The following FLT3LG variants were observed in gnomAD, a reference collection of about 807,000 sequenced individuals.
FLT3LG encodes fms related receptor tyrosine kinase 3 ligand.
A neutral mutation model predicts 30.9 loss-of-function variants in FLT3LG; 8 were observed. The observed-to-expected ratio is 0.26, with a 90% CI of 0.15 to 0.47. The LOEUF (loss-of-function observed/expected upper bound fraction) is 0.47. Among genes scored for constraint, FLT3LG ranks in the 20% least tolerant of loss-of-function variants. The pLI is 0.99. For synonymous variants in FLT3LG, 123 were observed against 135.9 expected (o/e 0.91, Z 0.66); for missense variants, 278 against 306.2 (o/e 0.91, Z 0.69).
In FLT3LG at chr19:49,475,745, T is replaced by C; in HGVS notation, c.88T>C (p.Cys30Arg). 1 of 1,612,248 alleles carries C rather than the reference T, an allele frequency of 6.2e-7. No individual in the cohort carries two copies. Residue 30 changes from cysteine (C) to arginine (R), a missense_variant, in exon 3 of 9, where the codon TGC becomes CGC. Coordinates refer to ENST00000597551, the MANE Select transcript of FLT3LG (RefSeq NM_001459.4). Reference protein sequence around the residue: ...LSSGLSGTQDCSFQHSPISSD... With the variant: ...LSSGLSGTQDRSFQHSPISSD... ...CTCGGGACTCAGTGGGACCCAGGAC[T>C]GCTCCTTCCAACACAGCCCCATCTC...
At chr19:49,484,298 T>A (rs2122582734) in intron 8 of FLT3LG, among the ~76,000 whole-genome samples, 1 of 146,018 alleles carries the variant, frequency 6.8e-6, no homozygotes, top group South Asian at 2.1e-4. Context: ...ATTTTTTTTT[T>A]TTTTTTTTTT....
chr19:49,483,106 C>T (rs113638934), intron 8 of FLT3LG, among the ~76,000 whole-genome samples: 3 of 152,036 alleles, frequency 2.0e-5, no homozygotes, highest in African/African-American at 7.2e-5. Context: ...CCTTCAGCAT[C>T]CAACGTATAG....
chr19:49,483,187 G>A (rs574966288), intron 8 of FLT3LG, among the ~76,000 whole-genome samples: 101 of 151,614 alleles, frequency 6.7e-4, no homozygotes, highest in Non-Finnish European at 1.3e-3. Flanking sequence ...GTGCAGTGGC[G>A]CGATCTCAGC....
chr19:49,485,248 CTTTT>C (rs55877586), intron 8 of FLT3LG, among the ~76,000 whole-genome samples: 4 of 121,842 alleles, frequency 3.3e-5, no homozygotes, highest in Non-Finnish European at 6.5e-5. Context: ...TCTTTTTTTT[CTTTT>C]TTTTTTTTTT....
chr19:49,480,646 C>T (rs1264938439), intron 8 of FLT3LG, 26 bp downstream of exon 8: 1 of 1,586,000 alleles, frequency 6.3e-7, no homozygotes, highest in Non-Finnish European at 8.6e-7. Flanking sequence ...GCTATGGGGC[C>T]TGGACTTTGT....
chr19:49,474,413 C>T, intron 1 of FLT3LG, 132 bp downstream of exon 1: 2 of 602,020 alleles, frequency 3.3e-6, no homozygotes, highest in Non-Finnish European at 3.0e-6. Context: ...GGGGACCAGA[C>T]GTCGAGGTTC....
At chr19:49,477,460 C>T (rs1049782073) in intron 5 of FLT3LG, among the ~76,000 whole-genome samples, 4 of 150,310 alleles carry the variant, frequency 2.7e-5, no homozygotes, top group Non-Finnish European at 4.4e-5. Flanking sequence ...TAGAATAGGC[C>T]GTGTATGGTG....
intron 8 of FLT3LG, chr19:49,480,963 C>T (rs1484111367): frequency 6.7e-5 from 12 of 178,224 alleles, no homozygotes; most frequent in Middle Eastern, 2.4e-3. Context: ...ACCCAGGAGG[C>T]GGAGGTTGCA....
At chr19:49,474,859 A>T (rs1308919407) in intron 2 of FLT3LG, among the ~76,000 whole-genome samples, 187 bp downstream of exon 2, 3 of 107,964 alleles carry the variant, frequency 2.8e-5, no homozygotes, top group South Asian at 3.8e-4. Flanking sequence ...TGGACAGAGG[A>T]TGGGGAGATG....
At position 49,476,868 on chromosome 19, in the gene FLT3LG, C is replaced by A. The variant is rs990629626; in HGVS notation, c.342+302C>A. The stretch of plus-strand genomic sequence containing the variant: ...GAAGGGGTCTCTAAACTGAGGAGGC[C>A]GGGCGTGGTGGCTCACTCCTGTAAT... On this transcript the variant is annotated intron_variant, in intron 5 of 8. Coordinates refer to ENST00000597551, the MANE Select transcript of FLT3LG (RefSeq NM_001459.4). The surrounding 1 kb of genome is among the most constrained non-coding windows in gnomAD (Gnocchi z 5.3). 13 of 351,796 alleles carry A rather than the reference C, an allele frequency of 3.7e-5. No individual in the cohort carries two copies. The highest frequency in any genetic ancestry group is 4.6e-5 in the Admixed American group (1 of 21,868). 21.8% of individuals were successfully genotyped at this position (351,796 alleles called of 1,614,324 possible). A position where few individuals can be genotyped will look rare whatever the true frequency, so the allele number is the denominator to read the frequency against.
intron 8 of FLT3LG, among the ~76,000 whole-genome samples, chr19:49,484,721 T>C (rs1375436519): frequency 6.6e-6 from 1 of 151,992 alleles, no homozygotes; most frequent in Admixed American, 6.6e-5. Context: ...GATCTCGAAC[T>C]CCTGACCTCG....
intron 8 of FLT3LG, among the ~76,000 whole-genome samples, chr19:49,482,952 A>C (rs985593144): frequency 2.6e-5 from 4 of 151,822 alleles, no homozygotes; most frequent in Non-Finnish European, 4.4e-5. Context: ...AAGGAAAAAG[A>C]AGCAGGTAAC....
Position 49,480,353 on chromosome 19 carries a change from G to A in FLT3LG, c.537G>A (p.Pro179=), listed in dbSNP as rs371646238. 27 of 1,610,334 alleles carry A rather than the reference G, an allele frequency of 1.7e-5. No individual in the cohort carries two copies. Among genetic ancestry groups the A allele is most frequent in the East Asian group, 1.3e-4 (6 of 44,860 alleles). ...WSPRPLEATA[P]TAPQPPLLLL... Reference sequence around the variant, plus strand: ...CCCGGCCCCTGGAGGCCACAGCCCCGACAGCCCCGCAGCCCCCTCTGCTCC... The same window carrying A: ...CCCGGCCCCTGGAGGCCACAGCCCCAACAGCCCCGCAGCCCCCTCTGCTCC... Residue 179 remains proline, a synonymous_variant, in exon 7 of 9, where the codon CCG becomes CCA. Transcript: ENST00000597551.
At chr19:49,480,740 A>G in intron 8 of FLT3LG, 120 bp downstream of exon 8, 1 of 1,102,102 alleles carries the variant, frequency 9.1e-7, no homozygotes, top group Non-Finnish European at 1.3e-6. Flanking sequence ...GTGCAGAAAG[A>G]CCCCTCTGGG....
At chr19:49,474,701 G>A in intron 2 of FLT3LG, 29 bp downstream of exon 2, 1 of 1,609,058 alleles carries the variant, frequency 6.2e-7, no homozygotes, top group South Asian at 1.1e-5. Context: ...CAAGATCAGG[G>A]GAGAGGGGAG....
chr19:49,480,259 C>T (rs763014910), intron 6 of FLT3LG, 39 bp from the exon 7 acceptor site: 42 of 1,461,262 alleles, frequency 2.9e-5, no homozygotes, highest in Non-Finnish European at 3.8e-5. Flanking sequence ...CTTACCCCAG[C>T]CCTTCTCCTT....
rs1216262023 is a variant in FLT3LG, at chr19:49,479,054, G to T, written c.481+7G>T. 1.2e-6 allele frequency: 2 copies of T among 1,604,218 alleles called. No homozygotes were observed. Among genetic ancestry groups the T allele is most frequent in the East Asian group, 2.3e-5 (1 of 44,128 alleles). ...GAGCTGCAGTGTCAGCCCGGTAAAG[G>T]CTTCCAGGCACCCCCACTCCTTCCC... is the stretch of plus-strand genomic sequence containing the variant. On this transcript the variant is annotated splice_region_variant and intron_variant, in intron 6 of 8. Coordinates refer to ENST00000597551, the MANE Select transcript of FLT3LG (RefSeq NM_001459.4).
Position 49,486,006 on chromosome 19 carries a change from A to G in FLT3LG, c.*22-9A>G, listed in dbSNP as rs538257950. On this transcript the variant is annotated splice_polypyrimidine_tract_variant and intron_variant, in intron 8 of 8. Coordinates refer to ENST00000597551, the MANE Select transcript of FLT3LG (RefSeq NM_001459.4). ...CAGTGAGACAGACATCTATCATCCC[A>G]TTTTACAGGGGAGGATACTGAGGCA... 3 of 152,388 alleles carry G rather than the reference A, an allele frequency of 2.0e-5. No individual in the cohort carries two copies. In the East Asian group the frequency reaches 5.8e-4, roughly 29 times the overall value. 9.4% of individuals were successfully genotyped at this position (152,388 alleles called of 1,614,324 possible).
intron 2 of FLT3LG, 147 bp from the exon 3 acceptor site, chr19:49,475,544 G>C: frequency 3.8e-6 from 4 of 1,048,878 alleles, no homozygotes; most frequent in South Asian, 1.6e-5. Flanking sequence ...GCAGAGATGG[G>C]GCCATGTCTC....
Sources: gnomAD v4.1 joint callset for allele counts (sites outside exome capture counted in the v4.1 genomes callset) on GRCh38, gnomAD v4.1.1 for gene constraint, Gnocchi (gnomAD v3.1) non-coding constraint, MANE v1.5 for transcripts, NCBI Gene and HGNC (gene_info 2026-07-23, HGNC 2026-07-21) for gene names.